C1orf21: variants seen among roughly 807,000 people sequenced by gnomAD.
C1orf21 encodes uncharacterized protein C1orf21.
C1orf21 carries 3 observed loss-of-function variants against 18.7 expected under a neutral mutation model. The ratio of observed to expected loss-of-function variants is 0.16; its 90% confidence interval spans 0.07 to 0.42. C1orf21 has a LOEUF of 0.42. Ranked by LOEUF, C1orf21 falls within the 10% of genes least tolerant of loss-of-function variation. C1orf21 has a pLI of 0.99. For synonymous variants in C1orf21, 41 were observed against 46.4 expected, an observed-to-expected ratio of 0.88 and a Z score of 0.47; for missense variants, 104 against 143.6, an observed-to-expected ratio of 0.72 and a Z score of 1.41.
At chr1:184,396,593 A>G (rs563927968) in intron 1 of C1orf21, among the ~76,000 whole-genome samples, 3 of 152,368 alleles carry the variant, frequency 2.0e-5, no homozygotes, top group South Asian at 4.1e-4. Flanking sequence ...TATCTAACAC[A>G]TAACTGAAAT....
At chr1:184,536,956 A>C (rs1050552542) in intron 3 of C1orf21, among the ~76,000 whole-genome samples, 1 of 152,188 alleles carries the variant, frequency 6.6e-6, no homozygotes, top group Non-Finnish European at 1.5e-5. Context: ...TTCTCATCCA[A>C]GTTTCGTTTT....
intron 1 of C1orf21, among the ~76,000 whole-genome samples, chr1:184,458,133 G>A (rs1283546595): frequency 2.0e-5 from 3 of 152,110 alleles, no homozygotes; most frequent in Non-Finnish European, 2.9e-5. Flanking sequence ...CGCCTGACCC[G>A]TTCTGGCTCT....
At position 184,612,818 on chromosome 1, in the gene C1orf21, A is replaced by G. The variant is rs1659758256; in HGVS notation, c.328-6700A>G. Among the ~76,000 whole-genome samples the G allele has an allele frequency of 5.9e-5, 9 of 152,380 alleles. No homozygotes were observed. The South Asian group carries it at 1.9e-3, about 32-fold the overall frequency. The stretch of plus-strand genomic sequence containing the variant: ...AGTCAACAAGAAGAAGGGTGAGTAT[A>G]GTACACTAAGATATTTTGAGAGAGA... On this transcript the variant is annotated intron_variant, in intron 5 of 5. Transcript: ENST00000235307.
chr1:184,454,958 G>A lies in C1orf21; in HGVS notation c.-124-22428G>A, dbSNP rs1183209290. Among the ~76,000 whole-genome samples, 4 of 152,240 alleles carry A rather than the reference G, an allele frequency of 2.6e-5. No individual in the cohort carries two copies. In the East Asian group the frequency reaches 7.7e-4, roughly 29 times the overall value. ...GTAAGAGAAAAGAGAAAGAAAGAGG[G>A]CAAGGTCACATTCTTGTGAGTCTTT... is the stretch of plus-strand genomic sequence containing the variant. On this transcript the variant is annotated intron_variant, in intron 1 of 5. Transcript: ENST00000235307.
At chr1:184,613,260 T>A (rs1659767134) in intron 5 of C1orf21, among the ~76,000 whole-genome samples, 2 of 152,188 alleles carry the variant, frequency 1.3e-5, no homozygotes, top group Non-Finnish European at 2.9e-5. Context: ...TAGGTACGTA[T>A]GTGTAGGAAA....
chr1:184,411,904 T>C (rs1656361697), intron 1 of C1orf21: 1 of 152,232 alleles, frequency 6.6e-6, no homozygotes, highest in South Asian at 2.1e-4. Flanking sequence ...TATGCAGAGA[T>C]GATTGTATAT....
At chr1:184,586,601 G>A (rs953526538) in intron 3 of C1orf21, among the ~76,000 whole-genome samples, 4 of 152,172 alleles carry the variant, frequency 2.6e-5, no homozygotes, top group African/African-American at 9.6e-5. Context: ...TTTTTAATGG[G>A]GGTTGTTTGG....
intron 2 of C1orf21, among the ~76,000 whole-genome samples, chr1:184,494,850 T>TGC (rs1657866677): frequency 6.6e-6 from 1 of 151,350 alleles, no homozygotes; most frequent in Admixed American, 6.6e-5. Context: ...TTTTGCTTTT[T>TGC]TTTTTTTTTT....
chr1:184,450,336 C>A (rs1326743447), intron 1 of C1orf21, among the ~76,000 whole-genome samples: 1 of 152,138 alleles, frequency 6.6e-6, no homozygotes, highest in Non-Finnish European at 1.5e-5. Context: ...TTTCTGGACT[C>A]CCCTCGCCCC....
intron 3 of C1orf21, among the ~76,000 whole-genome samples, chr1:184,528,133 A>C (rs751924693): frequency 6.6e-5 from 10 of 152,202 alleles, no homozygotes; most frequent in Non-Finnish European, 1.5e-4. Flanking sequence ...ATAGAAATAA[A>C]ATTTTTCCAC....
At chr1:184,511,075 G>C (rs891847326) in intron 3 of C1orf21, among the ~76,000 whole-genome samples, 1 of 152,198 alleles carries the variant, frequency 6.6e-6, no homozygotes, top group African/African-American at 2.4e-5. Flanking sequence ...GTTGGTGGTG[G>C]TGAGAGTAAG....
At chr1:184,475,875 C>G (rs1657564432) in intron 1 of C1orf21, among the ~76,000 whole-genome samples, 1 of 151,812 alleles carries the variant, frequency 6.6e-6, no homozygotes, top group African/African-American at 2.4e-5. Context: ...CATTAGCCAT[C>G]TAGGAGAAAA....
chr1:184,617,501 T>G (rs1659846002), intron 5 of C1orf21, among the ~76,000 whole-genome samples: 1 of 152,164 alleles, frequency 6.6e-6, no homozygotes, highest in Non-Finnish European at 1.5e-5. Flanking sequence ...ACCTTTAAGT[T>G]CTTTCTAGCT....
intron 1 of C1orf21, among the ~76,000 whole-genome samples, chr1:184,447,653 A>G (rs1657054764): frequency 6.6e-6 from 1 of 152,084 alleles, no homozygotes; most frequent in South Asian, 2.1e-4. Context: ...AACTCTTGGA[A>G]TTTTACCTCT....
intron 1 of C1orf21, among the ~76,000 whole-genome samples, chr1:184,459,252 C>G (rs1193658610): frequency 1.3e-5 from 2 of 152,172 alleles, no homozygotes; most frequent in East Asian, 3.8e-4. Context: ...ATCACTCAAA[C>G]AGAATAAGCT....
At chr1:184,437,201 C>A (rs1376350993) in intron 1 of C1orf21, among the ~76,000 whole-genome samples, 1 of 152,090 alleles carries the variant, frequency 6.6e-6, no homozygotes, top group Admixed American at 6.6e-5. Context: ...TCTCGTACCC[C>A]CCTACATTTC....
chr1:184,503,918 G>A (rs1204161750), intron 2 of C1orf21, among the ~76,000 whole-genome samples: 2 of 152,134 alleles, frequency 1.3e-5, no homozygotes, highest in Non-Finnish European at 2.9e-5. Context: ...CATGTTCAAG[G>A]GAGAAGCAGG....
At chr1:184,606,448 C>T (rs1395070900) in intron 5 of C1orf21, among the ~76,000 whole-genome samples, 2 of 152,140 alleles carry the variant, frequency 1.3e-5, no homozygotes, top group African/African-American at 4.8e-5. Context: ...GGTATGGTGG[C>T]ATTCACCTGT....
At chr1:184,542,994 A>G (rs561790831) in intron 3 of C1orf21, among the ~76,000 whole-genome samples, 2 of 152,324 alleles carry the variant, frequency 1.3e-5, no homozygotes, top group African/African-American at 4.8e-5. Context: ...TAGTGCAAAT[A>G]AAATGTCCTC....
Sources: gnomAD v4.1 joint callset for allele counts (sites outside exome capture counted in the v4.1 genomes callset) on GRCh38, gnomAD v4.1.1 for gene constraint, MANE v1.5 for transcripts, NCBI Gene and HGNC (gene_info 2026-07-23, HGNC 2026-07-21) for gene names.